Variants in EML4 observed in about 807,000 individuals in gnomAD.
The protein encoded by EML4 is echinoderm microtubule-associated protein-like 4.
A neutral mutation model predicts 129.0 loss-of-function variants in EML4; 72 were observed. That is an observed-to-expected ratio of 0.56 (90% CI 0.46 to 0.68). The LOEUF (loss-of-function observed/expected upper bound fraction) is 0.68. EML4 is among the 30% of genes least tolerant of loss of function. EML4 has a pLI of 0.00. For missense variants in EML4, 1,363 were observed against 1,190.6 expected (o/e 1.14, Z -2.13); for synonymous variants, 532 against 405.0 (o/e 1.31, Z -3.77).
chr2:42,313,154 T>C (rs758326602), intron 17 of EML4, among the ~76,000 whole-genome samples: 8 of 149,682 alleles, frequency 5.3e-5, no homozygotes, highest in Non-Finnish European at 7.4e-5. Flanking sequence ...TTCACCGGGT[T>C]AGCCAGGATG....
rs1015200054 is a variant in EML4, at chr2:42,175,205, C to T, written c.25+5569C>T. On this transcript the variant is annotated intron_variant, in intron 1 of 22. Coordinates refer to ENST00000318522, the MANE Select transcript of EML4 (RefSeq NM_019063.5). Reference sequence around the variant, plus strand: ...TTGGCTCACTGCAGCCTCTGCCTCCCGTGTTCAAGCTATTCTCCTGCCTCA... The same window carrying T: ...TTGGCTCACTGCAGCCTCTGCCTCCTGTGTTCAAGCTATTCTCCTGCCTCA... 4.6e-5 allele frequency among the ~76,000 whole-genome samples: 7 copies of T among 150,850 alleles called. No individual in the cohort carries two copies. In the East Asian group the frequency reaches 6.3e-4, roughly 14 times the overall value.
chr2:42,279,351 C>G (rs1666871171), intron 6 of EML4, among the ~76,000 whole-genome samples: 1 of 152,098 alleles, frequency 6.6e-6, no homozygotes, highest in South Asian at 2.1e-4. Flanking sequence ...GTGTTTTTAA[C>G]TTTTTGAGGA....
At chr2:42,225,579 T>A (rs889875602) in intron 1 of EML4, among the ~76,000 whole-genome samples, 1 of 152,176 alleles carries the variant, frequency 6.6e-6, no homozygotes, top group African/African-American at 2.4e-5. Flanking sequence ...TGTATAAAAG[T>A]TCTGATGCTC....
chr2:42,288,657 T>TTTTA, intron 11 of EML4: 1 of 157,618 alleles, frequency 6.3e-6, no homozygotes, highest in Non-Finnish European at 1.4e-5. Flanking sequence ...TCATTCCATC[T>TTTTA]TTAAAGCTTT....
intron 1 of EML4, among the ~76,000 whole-genome samples, chr2:42,185,920 C>G (rs76696466): frequency 0.023 from 3,499 of 152,100 alleles, 134 homozygotes; most frequent in African/African-American, 0.08. Context: ...GAGATACAGA[C>G]AGATTTAAAA....
At chr2:42,170,703 G>T (rs1027616936) in intron 1 of EML4, among the ~76,000 whole-genome samples, 22 of 152,220 alleles carry the variant, frequency 1.4e-4, no homozygotes, top group African/African-American at 5.3e-4. Context: ...TAACGCAGTT[G>T]TGTGATACCT....
chr2:42,243,763 A>G (rs1286464706), intron 1 of EML4, among the ~76,000 whole-genome samples: 2 of 152,186 alleles, frequency 1.3e-5, no homozygotes, highest in Non-Finnish European at 2.9e-5. Flanking sequence ...AAATATGAAT[A>G]TTGTTTACTG....
intron 16 of EML4, 118 bp from the exon 17 acceptor site, chr2:42,304,366 C>CA: frequency 1.4e-6 from 1 of 733,988 alleles, no homozygotes; most frequent in East Asian, 2.5e-5. Context: ...TCATTAGCTA[C>CA]AAAGTTGATT....
chr2:42,283,679 A>T (rs1268332234), intron 8 of EML4, among the ~76,000 whole-genome samples: 1 of 152,214 alleles, frequency 6.6e-6, no homozygotes, highest in Non-Finnish European at 1.5e-5. Flanking sequence ...TTATATAGAT[A>T]TTGAACTTTT....
rs56790956 is a variant in EML4, at chr2:42,331,336, C to T, written c.*1129C>T. On this transcript the variant is annotated 3_prime_UTR_variant, in exon 23 of 23. Coordinates refer to ENST00000318522, the MANE Select transcript of EML4 (RefSeq NM_019063.5). Reference sequence around the variant, plus strand: ...TAGCAGTTTTTTTCTGGTGGAGTTGCTGTAAGTCTTGTAAGTCTAATGTGG... The same window carrying T: ...TAGCAGTTTTTTTCTGGTGGAGTTGTTGTAAGTCTTGTAAGTCTAATGTGG... 22,591 of 223,798 alleles carry T rather than the reference C, an allele frequency of 0.1. 1,255 individuals carry two copies. Among genetic ancestry groups the T allele is most frequent in the South Asian group, 0.21 (1,146 of 5,420 alleles). 13.9% of individuals were successfully genotyped at this position (223,798 alleles called of 1,614,324 possible).
chr2:42,316,975 G>A (rs1669278283), intron 18 of EML4, among the ~76,000 whole-genome samples: 1 of 152,168 alleles, frequency 6.6e-6, no homozygotes, highest in African/African-American at 2.4e-5. Flanking sequence ...AGATGACGTG[G>A]ACTTTATTGA....
intron 17 of EML4, among the ~76,000 whole-genome samples, chr2:42,306,035 T>A (rs1190076998): frequency 6.6e-6 from 1 of 152,218 alleles, no homozygotes; most frequent in African/African-American, 2.4e-5. Context: ...GAATTATGAA[T>A]GTGAAACTAG....
At chr2:42,225,047 G>GT (rs1460405560) in intron 1 of EML4, among the ~76,000 whole-genome samples, 2 of 152,078 alleles carry the variant, frequency 1.3e-5, no homozygotes, top group African/African-American at 4.8e-5. Context: ...TTAGCATAAT[G>GT]TTTTCAAAGG....
intron 17 of EML4, among the ~76,000 whole-genome samples, chr2:42,315,061 A>T (rs556783745): frequency 1.2e-4 from 18 of 152,268 alleles, no homozygotes; most frequent in Admixed American, 3.9e-4. Flanking sequence ...GTTCTTTTGA[A>T]TCACACCAAA....
At chr2:42,215,383 A>G (rs1254265900) in intron 1 of EML4, among the ~76,000 whole-genome samples, 1 of 152,182 alleles carries the variant, frequency 6.6e-6, no homozygotes, top group Non-Finnish European at 1.5e-5. Flanking sequence ...AATGGTATTC[A>G]AATCTTATAA....
intron 1 of EML4, among the ~76,000 whole-genome samples, chr2:42,240,001 T>TCGTTTGCTGTG (rs1674916368): frequency 6.6e-6 from 1 of 152,176 alleles, no homozygotes; most frequent in African/African-American, 2.4e-5. Context: ...GAACTCTGAC[T>TCGTTTGCTGTG]CGTTTGCTGT....
At chr2:42,174,879 G>A (rs193284984) in intron 1 of EML4, among the ~76,000 whole-genome samples, 129 of 145,158 alleles carry the variant, frequency 8.9e-4, no homozygotes, top group Admixed American at 1.6e-3. Context: ...GTGCAATGGC[G>A]CGATCTCGGC....
chr2:42,175,687 A>T (rs4428056), intron 1 of EML4, among the ~76,000 whole-genome samples: 112,552 of 151,786 alleles, frequency 0.74, 42,768 homozygotes, highest in African/African-American at 0.9. Context: ...TTAATAGAGA[A>T]GAGGTTTTGC....
At chr2:42,291,357 A>AAAAGAT (rs1387557828) in intron 11 of EML4, among the ~76,000 whole-genome samples, 1 of 152,130 alleles carries the variant, frequency 6.6e-6, no homozygotes, top group Non-Finnish European at 1.5e-5. Flanking sequence ...TAATGGGAGA[A>AAAAGAT]AAAGATAAAT....
Sources: gnomAD v4.1 joint callset for allele counts (sites outside exome capture counted in the v4.1 genomes callset) on GRCh38, gnomAD v4.1.1 for gene constraint, MANE v1.5 for transcripts, NCBI Gene and HGNC (gene_info 2026-07-23, HGNC 2026-07-21) for gene names.